Variants in MCCC2 observed in about 807,000 individuals in gnomAD.
MCCC2 encodes the protein methylcrotonyl-CoA carboxylase subunit 2, also known as methylcrotonoyl-CoA carboxylase beta chain, mitochondrial.
MCCC2 carries 52 observed loss-of-function variants against 77.2 expected under a neutral mutation model. The observed-to-expected ratio is 0.67, with a 90% CI of 0.54 to 0.85. MCCC2 has a LOEUF of 0.85. Ranked by LOEUF, MCCC2 falls within the 40% of genes least tolerant of loss-of-function variation. The pLI is 0.00. For missense variants in MCCC2, 682 were observed against 703.2 expected (o/e 0.97, Z 0.34); for synonymous variants, 253 against 248.4 (o/e 1.02, Z -0.18).
intron 6 of MCCC2, among the ~76,000 whole-genome samples, chr5:71,611,257 C>T (rs767267656): frequency 3.3e-5 from 5 of 151,886 alleles, no homozygotes; most frequent in East Asian, 1.9e-4. Context: ...AAAAATTAGC[C>T]GAGTGTGGTG....
intron 10 of MCCC2, chr5:71,635,899 T>G (rs1264744090): frequency 3.7e-5 from 6 of 163,722 alleles, no homozygotes; most frequent in Non-Finnish European, 8.0e-5. Flanking sequence ...ATATTATATA[T>G]TAGTTGTGAA....
chr5:71,643,788 G>T, intron 11 of MCCC2, 31 bp from the exon 12 acceptor site: 1 of 1,613,982 alleles, frequency 6.2e-7, no homozygotes. Context: ...AAAAGCACAA[G>T]ACATAAATCT....
chr5:71,652,823 C>A, intron 16 of MCCC2, 69 bp downstream of exon 16: 1 of 1,319,956 alleles, frequency 7.6e-7, no homozygotes, highest in Non-Finnish European at 1.1e-6. Context: ...CTTTACAGAG[C>A]TCTGTGTAGT....
chr5:71,615,462 A>ATTTT (rs1026527477), intron 6 of MCCC2, among the ~76,000 whole-genome samples: 9 of 151,966 alleles, frequency 5.9e-5, no homozygotes, highest in African/African-American at 2.2e-4. Flanking sequence ...TTATTTATTT[A>ATTTT]TTTTAACGAT....
At chr5:71,593,393 C>G (rs1745058141) in intron 2 of MCCC2, among the ~76,000 whole-genome samples, 1 of 151,748 alleles carries the variant, frequency 6.6e-6, no homozygotes, top group Admixed American at 6.6e-5. Flanking sequence ...CCTGGCTGAG[C>G]TTTTGACTCT....
intron 16 of MCCC2, among the ~76,000 whole-genome samples, chr5:71,654,749 C>T (rs1747535174): frequency 6.6e-6 from 1 of 151,674 alleles, no homozygotes; most frequent in African/African-American, 2.4e-5. Context: ...TAATGGATTA[C>T]ATTCAAGGCA....
chr5:71,644,675 G>GA (rs1747230678), intron 12 of MCCC2, among the ~76,000 whole-genome samples: 1 of 151,948 alleles, frequency 6.6e-6, no homozygotes, highest in Admixed American at 6.6e-5. Context: ...GTTTCCTTAA[G>GA]AAAAAATATG....
At chr5:71,623,155 G>C (rs1458110271) in intron 6 of MCCC2, among the ~76,000 whole-genome samples, 1 of 152,214 alleles carries the variant, frequency 6.6e-6, no homozygotes, top group African/African-American at 2.4e-5. Flanking sequence ...CACTTCAATT[G>C]TAGTCACTTA....
intron 6 of MCCC2, among the ~76,000 whole-genome samples, chr5:71,618,098 C>T (rs932130867): frequency 6.6e-6 from 1 of 152,080 alleles, no homozygotes; most frequent in Non-Finnish European, 1.5e-5. Flanking sequence ...TTCTCTGGGC[C>T]TTCTCCATAT....
intron 4 of MCCC2, among the ~76,000 whole-genome samples, chr5:71,600,065 T>C (rs1197136204): frequency 6.6e-6 from 1 of 152,016 alleles, no homozygotes; most frequent in East Asian, 1.9e-4. Context: ...CTTGGGAGGC[T>C]GAGGCAGGAG....
At chr5:71,648,506 C>A (rs548789035) in intron 13 of MCCC2, among the ~76,000 whole-genome samples, 2 of 152,086 alleles carry the variant, frequency 1.3e-5, no homozygotes, top group African/African-American at 4.8e-5. Flanking sequence ...ATCTTTATGT[C>A]TTCAAAGTTT....
At chr5:71,630,290 A>G (rs138626247) in intron 7 of MCCC2, among the ~76,000 whole-genome samples, 3,596 of 152,290 alleles carry the variant, frequency 0.024, 74 homozygotes, top group South Asian at 0.062. Flanking sequence ...GTAGTTGAAA[A>G]AAACAGATAG....
Position 71,643,801 on chromosome 5 carries a change from T to C in MCCC2, c.1073-18T>C. On this transcript the variant is annotated intron_variant, in intron 11 of 16. Coordinates refer to ENST00000340941, the MANE Select transcript of MCCC2 (RefSeq NM_022132.5). ...GGAAAAGCACAAGACATAAATCTTC[T>C]TTGAACTTTCTTTTGAGGATTTGCT... 1 of 1,614,122 alleles carries C rather than the reference T, an allele frequency of 6.2e-7. No individual in the cohort carries two copies. Among genetic ancestry groups the C allele is most frequent in the Non-Finnish European group, 8.5e-7 (1 of 1,180,004 alleles).
At chr5:71,617,285 CT>C (rs1746193875) in intron 6 of MCCC2, among the ~76,000 whole-genome samples, 1 of 152,184 alleles carries the variant, frequency 6.6e-6, no homozygotes, top group African/African-American at 2.4e-5. Context: ...AAATGCCACC[CT>C]TTTAAGGAAA....
chr5:71,630,891 ATTTG>A (rs1746684626), intron 7 of MCCC2, among the ~76,000 whole-genome samples: 2 of 152,090 alleles, frequency 1.3e-5, no homozygotes, highest in South Asian at 2.1e-4. Flanking sequence ...GAGTTGATTA[ATTTG>A]TTTCTTTTTC....
At chr5:71,611,534 G>T (rs1434248848) in intron 6 of MCCC2, among the ~76,000 whole-genome samples, 2 of 152,182 alleles carry the variant, frequency 1.3e-5, no homozygotes, top group Non-Finnish European at 2.9e-5. Context: ...AACTAAAATT[G>T]CATCTGTCAA....
Position 71,604,431 on chromosome 5 carries a change from A to T in MCCC2, c.587A>T (p.Tyr196Phe), listed in dbSNP as rs1422349849. 6.2e-7 allele frequency: 1 copy of T among 1,614,188 alleles called. No individual in the cohort carries two copies. Among genetic ancestry groups the T allele is most frequent in the Non-Finnish European group, 8.5e-7 (1 of 1,180,036 alleles). Residue 196 changes from tyrosine (Y) to phenylalanine (F), a missense_variant, in exon 6 of 17, where the codon TAT becomes TTT. Coordinates refer to ENST00000340941, the MANE Select transcript of MCCC2 (RefSeq NM_022132.5). Reference sequence around the variant, plus strand: ...CGAGACCACTTTGGCCGTACATTCTATAATCAGGCAATTATGTCTTCTAAA... The same window carrying T: ...CGAGACCACTTTGGCCGTACATTCTTTAATCAGGCAATTATGTCTTCTAAA... ...PDRDHFGRTF[Y>F]NQAIMSSKNI...
Position 71,587,383 on chromosome 5 carries a change from T to C in MCCC2, c.-43T>C, listed in dbSNP as rs1270733141. 1 of 1,529,042 alleles carries C rather than the reference T, an allele frequency of 6.5e-7. No individual in the cohort carries two copies. The highest frequency in any genetic ancestry group is 8.7e-7 in the Non-Finnish European group (1 of 1,143,944). The allele number at this position is 1,529,042 out of a possible 1,614,324, so 94.7% of individuals were successfully genotyped here. A position where few individuals can be genotyped will look rare whatever the true frequency, so the allele number is the denominator to read the frequency against. On this transcript the variant is annotated 5_prime_UTR_variant, in exon 1 of 17. Transcript: ENST00000340941. ...GGAAGCGGCAGGGGAAAGCACCGGC[T>C]CCAGGCCAGCGTGGGCCGCTCTCTC... is the stretch of plus-strand genomic sequence containing the variant.
At position 71,652,693 on chromosome 5, in the gene MCCC2, T is replaced by G; in HGVS notation, c.1513T>G (p.Leu505Val). The part of the protein sequence containing the change: ...KQFSSADEAA[L>V]KEPIIKKFEE... The stretch of plus-strand genomic sequence containing the variant: ...GTTCTCCAGTGCTGATGAAGCGGCT[T>G]TAAAAGAGCCCATCATTAAGAAGTT... Residue 505 changes from leucine to valine, a missense_variant, in exon 16 of 17, where the codon TTA becomes GTA. Physicochemically the swap from Leu to Val is conservative, Grantham distance 32 (BLOSUM62 1). Coordinates refer to ENST00000340941, the MANE Select transcript of MCCC2 (RefSeq NM_022132.5). 6.2e-7 allele frequency: 1 copy of G among 1,614,176 alleles called. No homozygotes were observed. The highest frequency in any genetic ancestry group is 8.5e-7 in the Non-Finnish European group (1 of 1,180,018).
Sources: allele counts gnomAD v4.1 joint callset (sites outside exome capture counted in the v4.1 genomes callset), GRCh38; gene constraint gnomAD v4.1.1; transcripts MANE v1.5; gene names NCBI Gene and HGNC (gene_info 2026-07-23, HGNC 2026-07-21).